PPP2R2B: variants seen among roughly 807,000 people sequenced by gnomAD.
PPP2R2B encodes protein phosphatase 2 regulatory subunit Bbeta.
A neutral mutation model predicts 46.0 loss-of-function variants in PPP2R2B; 5 were observed. The observed-to-expected ratio is 0.11, with a 90% confidence interval of 0.06 to 0.23. The LOEUF is 0.23. Ranked by LOEUF, PPP2R2B falls within the 10% of genes least tolerant of loss-of-function variation. The pLI is 1.00. For synonymous variants in PPP2R2B, 215 were observed against 206.7 expected, an observed-to-expected ratio of 1.04 and a Z score of -0.34; for missense variants, 367 against 575.0, an observed-to-expected ratio of 0.64 and a Z score of 3.70.
intron 1 of PPP2R2B, among the ~76,000 whole-genome samples, chr5:146,959,126 A>T (rs770157075): frequency 2.6e-5 from 4 of 152,206 alleles, no homozygotes; most frequent in Admixed American, 1.3e-4. Flanking sequence ...GTTCAGAGGG[A>T]GAGTATAGTA....
intron 1 of PPP2R2B, among the ~76,000 whole-genome samples, chr5:146,959,403 T>TA (rs1434404864): frequency 6.6e-6 from 1 of 152,096 alleles, no homozygotes; most frequent in Admixed American, 6.6e-5. Flanking sequence ...ACAGTGATTG[T>TA]AGTATAGGTA....
chr5:146,664,892 T>C lies in PPP2R2B; in HGVS notation c.448-14168A>G, dbSNP rs536546280. 2.0e-5 allele frequency among the ~76,000 whole-genome samples: 3 copies of C among 152,262 alleles called. No individual in the cohort carries two copies. In the East Asian group the frequency reaches 5.8e-4, roughly 29 times the overall value. On this transcript the variant is annotated intron_variant, in intron 5 of 9. Transcript: ENST00000394411. ...CCTTGTACTTCTCCATCAGAGCTCT[T>C]GGGTGACTAGGTGCATTGTCAATGA...
intron 8 of PPP2R2B, among the ~76,000 whole-genome samples, chr5:146,598,945 A>G (rs1162794533): frequency 6.6e-6 from 1 of 152,184 alleles, no homozygotes; most frequent in African/African-American, 2.4e-5. Context: ...AAGATCATTG[A>G]ATTGTGCACT....
intron 1 of PPP2R2B, among the ~76,000 whole-genome samples, chr5:147,051,092 C>A (rs1041104575): frequency 6.6e-6 from 1 of 152,102 alleles, no homozygotes; most frequent in Non-Finnish European, 1.5e-5. Flanking sequence ...TAGCTTCTGG[C>A]CACTCAGGAG....
At chr5:147,069,141 C>T (rs187642669) in intron 2 of PPP2R2B, among the ~76,000 whole-genome samples, 3 of 152,166 alleles carry the variant, frequency 2.0e-5, no homozygotes, top group Admixed American at 6.6e-5. Flanking sequence ...TGCTTTTGGG[C>T]GCTGAACAAA....
intron 2 of PPP2R2B, among the ~76,000 whole-genome samples, chr5:147,065,598 GAA>G (rs1757393199): frequency 6.6e-6 from 1 of 152,150 alleles, no homozygotes; most frequent in African/African-American, 2.4e-5. Context: ...AATATCCAGA[GAA>G]GAGAAGATGG....
At chr5:146,870,257 C>T (rs1266746031) in intron 2 of PPP2R2B, among the ~76,000 whole-genome samples, 1 of 152,160 alleles carries the variant, frequency 6.6e-6, no homozygotes, top group African/African-American at 2.4e-5. Context: ...CCACCCCAAT[C>T]TATATGTTGA....
intron 2 of PPP2R2B, among the ~76,000 whole-genome samples, chr5:146,811,066 C>A (rs377586538): frequency 6.6e-6 from 1 of 152,096 alleles, no homozygotes; most frequent in African/African-American, 2.4e-5. Context: ...TGCAATGGTG[C>A]GATCTCAGCT....
chr5:146,672,323 C>G (rs1309774289), intron 5 of PPP2R2B, among the ~76,000 whole-genome samples: 2 of 152,134 alleles, frequency 1.3e-5, no homozygotes, highest in Admixed American at 1.3e-4. Flanking sequence ...TGACAGACAT[C>G]TGAAGCTGTT....
chr5:146,800,086 CAATT>C (rs1216592626), intron 2 of PPP2R2B, among the ~76,000 whole-genome samples: 1 of 151,858 alleles, frequency 6.6e-6, no homozygotes, highest in Non-Finnish European at 1.5e-5. Context: ...ATTATTATAA[CAATT>C]AAGGAAGTCA....
intron 1 of PPP2R2B, among the ~76,000 whole-genome samples, chr5:146,987,854 A>G (rs1199937738): frequency 1.3e-5 from 2 of 151,942 alleles, no homozygotes; most frequent in Non-Finnish European, 2.9e-5. Flanking sequence ...AAGAAACCCA[A>G]CTATATGTTG....
chr5:146,896,965 T>C (rs1462555956), intron 1 of PPP2R2B, among the ~76,000 whole-genome samples: 1 of 152,146 alleles, frequency 6.6e-6, no homozygotes, highest in African/African-American at 2.4e-5. Context: ...CTCCTTGATT[T>C]AGAACAAGCA....
intron 2 of PPP2R2B, among the ~76,000 whole-genome samples, chr5:146,865,783 G>A (rs565124032): frequency 3.3e-5 from 5 of 152,050 alleles, no homozygotes; most frequent in South Asian, 2.1e-4. Flanking sequence ...CACCTTCCTC[G>A]CATACTTTTG....
intron 2 of PPP2R2B, among the ~76,000 whole-genome samples, chr5:146,848,718 C>T (rs187984544): frequency 6.6e-6 from 1 of 152,262 alleles, no homozygotes; most frequent in South Asian, 2.1e-4. Flanking sequence ...CCAAACTGTA[C>T]TCTGCACCCT....
intron 2 of PPP2R2B, among the ~76,000 whole-genome samples, chr5:146,741,216 C>T (rs528751683): frequency 6.6e-6 from 1 of 152,258 alleles, no homozygotes; most frequent in East Asian, 1.9e-4. Context: ...AAGGAAGGTT[C>T]TTGTCTAGCA....
chr5:146,697,894 C>G (rs951262333), intron 4 of PPP2R2B, 85 bp downstream of exon 4: 38 of 1,368,240 alleles, frequency 2.8e-5, no homozygotes, highest in Non-Finnish European at 3.8e-5. Context: ...CCACACAGTT[C>G]AAAGGAAATT....
intron 2 of PPP2R2B, among the ~76,000 whole-genome samples, chr5:146,822,575 A>G (rs1758333896): frequency 6.7e-6 from 1 of 148,996 alleles, no homozygotes; most frequent in Admixed American, 6.7e-5. Context: ...TCCTGTCAAG[A>G]ATACTTCTCC....
intron 1 of PPP2R2B, among the ~76,000 whole-genome samples, chr5:146,949,609 A>G (rs988946726): frequency 1.3e-5 from 2 of 152,034 alleles, no homozygotes; most frequent in African/African-American, 4.8e-5. Flanking sequence ...CAGTATGTAG[A>G]TTCCTCAAAA....
intron 1 of PPP2R2B, among the ~76,000 whole-genome samples, chr5:146,894,581 A>G (rs1282287451): frequency 6.6e-6 from 1 of 152,190 alleles, no homozygotes; most frequent in African/African-American, 2.4e-5. Flanking sequence ...CTGGGACCAC[A>G]GGCGTGCGCC....
Sources: gnomAD v4.1 joint callset for allele counts (sites outside exome capture counted in the v4.1 genomes callset) on GRCh38, gnomAD v4.1.1 for gene constraint, MANE v1.5 for transcripts, NCBI Gene and HGNC (gene_info 2026-07-23, HGNC 2026-07-21) for gene names.